The following TLL1 variants were observed in gnomAD, a reference collection of about 807,000 sequenced individuals.
TLL1 encodes tolloid like 1.
Under a neutral mutation model 128.2 loss-of-function variants are expected in TLL1, and 49 were observed. That is an observed-to-expected ratio of 0.38 (90% CI 0.30 to 0.48). The LOEUF is 0.48. TLL1 is among the 20% of genes least tolerant of loss of function. TLL1 has a pLI of 0.96. For missense variants in TLL1, 1,123 were observed against 1,242.0 expected, an observed-to-expected ratio of 0.90 and a Z score of 1.44; for synonymous variants, 454 against 418.8, an observed-to-expected ratio of 1.08 and a Z score of -1.03.
At chr4:166,054,521 C>T (rs1739909491) in intron 12 of TLL1, among the ~76,000 whole-genome samples, 1 of 150,896 alleles carries the variant, frequency 6.6e-6, no homozygotes, top group Non-Finnish European at 1.5e-5. Context: ...CCCACTAACT[C>T]GTCATCTAGC....
Position 166,096,765 on chromosome 4 carries a change from T to A in TLL1, c.2657-2512T>A, listed in dbSNP as rs185531518. On this transcript the variant is annotated intron_variant, in intron 19 of 20. Coordinates refer to ENST00000061240, the MANE Select transcript of TLL1 (RefSeq NM_012464.5). ...AAACTTGGAGAAGAGGTAGAATTTT[T>A]AAAAATCTGTAAATGAGATTACAGT... Among the ~76,000 whole-genome samples the A allele has an allele frequency of 1.0e-2, 1,517 of 152,284 alleles. 22 individuals are homozygous for A. The highest frequency in any genetic ancestry group is 0.035 in the African/African-American group (1,450 of 41,584).
chr4:166,101,684 T>G lies in TLL1; in HGVS notation c.*808T>G, dbSNP rs1000646858. 1 of 152,484 alleles carries G rather than the reference T, an allele frequency of 6.6e-6. No homozygotes were observed. The highest frequency in any genetic ancestry group is 1.9e-4 in the East Asian group (1 of 5,156). 9.4% of individuals were successfully genotyped at this position (152,484 alleles called of 1,614,324 possible). A position where few individuals can be genotyped will look rare whatever the true frequency, so the allele number is the denominator to read the frequency against. ...AGCCTGTGATGTCTTATGAACCTTA[T>G]GAGAAAACTCCGAAGAGGTGTGAGC... On this transcript the variant is annotated 3_prime_UTR_variant, in exon 21 of 21. Transcript: ENST00000061240.
At chr4:165,891,635 T>G (rs1285954902) in intron 1 of TLL1, among the ~76,000 whole-genome samples, 1 of 152,124 alleles carries the variant, frequency 6.6e-6, no homozygotes, top group Non-Finnish European at 1.5e-5. Context: ...GCCCAATAAG[T>G]TTCTCATCTC....
At chr4:165,959,072 T>G in intron 1 of TLL1, among the ~76,000 whole-genome samples, 1 of 147,758 alleles carries the variant, frequency 6.8e-6, no homozygotes, top group Admixed American at 6.9e-5. Context: ...TTGATCTATA[T>G]CTCTGTTTTG....
At chr4:166,018,123 T>C (rs138987769) in intron 8 of TLL1, among the ~76,000 whole-genome samples, 76 of 152,246 alleles carry the variant, frequency 5.0e-4, no homozygotes, top group African/African-American at 1.4e-3. Context: ...AGTATTCCTT[T>C]GGAGTTTGTT....
intron 10 of TLL1, among the ~76,000 whole-genome samples, chr4:166,039,717 A>T (rs1739157895): frequency 6.6e-6 from 1 of 152,198 alleles, no homozygotes; most frequent in Non-Finnish European, 1.5e-5. Context: ...TATTGTGCCT[A>T]TCATGAGTAC....
intron 15 of TLL1, among the ~76,000 whole-genome samples, chr4:166,060,905 T>C (rs1019507121): frequency 6.6e-6 from 1 of 152,216 alleles, no homozygotes; most frequent in East Asian, 1.9e-4. Context: ...GAGGAAAGGT[T>C]ATAAACGTTT....
chr4:165,939,592 A>G (rs1344556256), intron 1 of TLL1, among the ~76,000 whole-genome samples: 1 of 151,976 alleles, frequency 6.6e-6, no homozygotes, highest in South Asian at 2.1e-4. Context: ...TCCTCAAGCT[A>G]TTGAAGCTTT....
At chr4:166,003,629 T>C in intron 6 of TLL1, 60 bp downstream of exon 6, 1 of 1,553,558 alleles carries the variant, frequency 6.4e-7, no homozygotes, top group South Asian at 1.1e-5. Flanking sequence ...ATTGTATTTA[T>C]GCAGTTTATT....
chr4:166,096,437 A>G (rs141385089), intron 19 of TLL1, among the ~76,000 whole-genome samples: 1 of 152,066 alleles, frequency 6.6e-6, no homozygotes, highest in African/African-American at 2.4e-5. Flanking sequence ...ATAAAGTTCC[A>G]TAAAGACAAC....
At chr4:165,951,434 T>C (rs532122285) in intron 1 of TLL1, among the ~76,000 whole-genome samples, 1 of 152,100 alleles carries the variant, frequency 6.6e-6, no homozygotes, top group South Asian at 2.1e-4. Context: ...AAAAAGTCTG[T>C]CTTGGTCATA....
At chr4:166,006,408 A>AT (rs1560806172) in intron 6 of TLL1, among the ~76,000 whole-genome samples, 1 of 151,846 alleles carries the variant, frequency 6.6e-6, no homozygotes, top group Non-Finnish European at 1.5e-5. Context: ...AGTTAGATGC[A>AT]TTAAAATGTA....
At chr4:166,034,567 A>G (rs550300860) in intron 9 of TLL1, among the ~76,000 whole-genome samples, 64 of 152,322 alleles carry the variant, frequency 4.2e-4, no homozygotes, top group Admixed American at 1.0e-3. Context: ...GGAGAAGAGT[A>G]AAATTAAAAG....
intron 1 of TLL1, among the ~76,000 whole-genome samples, chr4:165,942,020 T>C (rs901027958): frequency 6.6e-6 from 1 of 152,146 alleles, no homozygotes; most frequent in African/African-American, 2.4e-5. Context: ...AGAGAAACTC[T>C]AGATATTATT....
chr4:166,086,554 T>C (rs528604846), intron 18 of TLL1, among the ~76,000 whole-genome samples: 2 of 152,238 alleles, frequency 1.3e-5, no homozygotes, highest in Non-Finnish European at 2.9e-5. Context: ...GGGACAACCA[T>C]AGCACCTACA....
intron 1 of TLL1, among the ~76,000 whole-genome samples, chr4:165,986,575 T>C (rs1418331308): frequency 6.6e-6 from 1 of 152,080 alleles, no homozygotes; most frequent in Non-Finnish European, 1.5e-5. Flanking sequence ...ATTTATGGTG[T>C]ATTCATCACT....
At chr4:166,016,220 A>G (rs970788541) in intron 8 of TLL1, among the ~76,000 whole-genome samples, 1 of 152,102 alleles carries the variant, frequency 6.6e-6, no homozygotes, top group Non-Finnish European at 1.5e-5. Flanking sequence ...GAAAAAATGA[A>G]TTTATAAGAG....
At position 166,025,402 on chromosome 4, in the gene TLL1, T is replaced by C. The variant is rs201364004; in HGVS notation, c.1129T>C (p.Trp377Arg). The change falls in exon 9 of 21, where the codon TGG (tryptophan) becomes CGG (arginine). Residue 377 changes from tryptophan to arginine, a missense_variant. Trp to Arg is a moderately radical substitution (Grantham distance 101, BLOSUM62 -3). Around this residue, in one of 3 missense-constraint regions of TLL1, gnomAD observed 480 missense variants for 542.4 expected, o/e 0.89. Coordinates refer to ENST00000061240, the MANE Select transcript of TLL1 (RefSeq NM_012464.5). ...NGYPSYTHCI[W>R]RVSVTPGEKI... ...CTACCCTTCTTACACACACTGCATC[T>C]GGAGAGTTTCTGTGACCCCAGGGGA... 1 of 1,613,808 alleles carries C rather than the reference T, an allele frequency of 6.2e-7. No individual in the cohort carries two copies. Among genetic ancestry groups the C allele is most frequent in the East Asian group, 2.2e-5 (1 of 44,838 alleles).
intron 18 of TLL1, among the ~76,000 whole-genome samples, chr4:166,085,598 T>G (rs1741475927): frequency 6.6e-6 from 1 of 152,140 alleles, no homozygotes; most frequent in African/African-American, 2.4e-5. Flanking sequence ...CTGTGTATGT[T>G]GAACCATCCT....
Sources: gnomAD v4.1 joint callset for allele counts (sites outside exome capture counted in the v4.1 genomes callset) on GRCh38, gnomAD v4.1.1 for gene constraint, gnomAD v4.1.1 regional missense constraint, MANE v1.5 for transcripts, NCBI Gene and HGNC (gene_info 2026-07-23, HGNC 2026-07-21) for gene names.